ARHGAP20: variants seen among roughly 807,000 people sequenced by gnomAD.
ARHGAP20 encodes the protein rho GTPase-activating protein 20.
Under a neutral mutation model 73.7 loss-of-function variants are expected in ARHGAP20, and 34 were observed. The observed-to-expected ratio is 0.46, with a 90% CI of 0.35 to 0.61. The LOEUF (loss-of-function observed/expected upper bound fraction) is 0.61, where lower values mean the gene tolerates loss of function less well. Ranked by LOEUF, ARHGAP20 falls within the 20% of genes least tolerant of loss-of-function variation. The probability of loss-of-function intolerance (pLI) is 0.00; values close to 1 mark genes in which losing one functional copy is unlikely to be tolerated. For synonymous variants in ARHGAP20, 523 were observed against 518.2 expected (o/e 1.01, Z -0.13); for missense variants, 1,314 against 1,420.9 (o/e 0.92, Z 1.21).
At chr11:110,696,314 G>C (rs2135129646) in intron 1 of ARHGAP20, among the ~76,000 whole-genome samples, 1 of 151,694 alleles carries the variant, frequency 6.6e-6, no homozygotes, top group African/African-American at 2.4e-5. Context: ...GAATTGTATG[G>C]TATGCAAATT....
intron 2 of ARHGAP20, among the ~76,000 whole-genome samples, chr11:110,671,497 C>T (rs1311464745): frequency 1.3e-5 from 2 of 152,012 alleles, no homozygotes; most frequent in African/African-American, 4.8e-5. Context: ...AGTTTTAGTA[C>T]ACTGAGGCAA....
At chr11:110,591,251 T>C (rs765213009) in intron 10 of ARHGAP20, among the ~76,000 whole-genome samples, 1 of 152,228 alleles carries the variant, frequency 6.6e-6, no homozygotes, top group Non-Finnish European at 1.5e-5. Context: ...AACCTAGTTA[T>C]GCCACTTGGT....
chr11:110,648,560 C>G (rs1352586617), intron 2 of ARHGAP20, among the ~76,000 whole-genome samples: 2 of 150,582 alleles, frequency 1.3e-5, no homozygotes, highest in African/African-American at 4.9e-5. Flanking sequence ...TCTTGGCCCA[C>G]TGCAACCTCC....
At chr11:110,633,375 C>T (rs2167090) in intron 2 of ARHGAP20, among the ~76,000 whole-genome samples, 1,832 of 152,202 alleles carry the variant, frequency 0.012, 34 homozygotes, top group Non-Finnish European at 0.013. Context: ...TTCTGTTGCA[C>T]GGATTTATTG....
Position 110,689,384 on chromosome 11 carries a change from C to T in ARHGAP20, c.188+1163G>A, listed in dbSNP as rs1232795115. Among the ~76,000 whole-genome samples the T allele has an allele frequency of 5.9e-5, 9 of 152,068 alleles. No individual in the cohort carries two copies. The East Asian group carries it at 1.7e-3, about 29-fold the overall frequency. ...AAGGATTCACAACTTAAAGAAAAAT[C>T]ATTGTAACATTCCTTTGAACATAAA... On this transcript the variant is annotated intron_variant, in intron 2 of 14. Coordinates refer to ENST00000683387, the MANE Select transcript of ARHGAP20 (RefSeq NM_001384657.1).
chr11:110,579,492 C>A lies in ARHGAP20; in HGVS notation c.3454G>T (p.Gly1152Cys). Residue 1152 changes from glycine to cysteine, a missense_variant, in exon 15 of 15, where the codon GGT becomes TGT. By Grantham distance (159) the Gly-to-Cys change is radical. This residue lies in a region of ARHGAP20 where 641 missense variants were observed against 636.9 expected (regional missense o/e 1.01). Transcript: ENST00000683387. ...GAGGCTCTTTCCCAAGGCAGAGAAC[C>A]AGAAGAGCTCTGACTACCAGGCTCT... ...EIEPGSQSSS[G>C]SLPWERASAS... 4 of 1,614,156 alleles carry A rather than the reference C, an allele frequency of 2.5e-6. No homozygotes were observed. The highest frequency in any genetic ancestry group is 3.4e-6 in the Non-Finnish European group (4 of 1,180,028).
intron 1 of ARHGAP20, among the ~76,000 whole-genome samples, chr11:110,703,482 G>T (rs1950496527): frequency 6.6e-6 from 1 of 150,576 alleles, no homozygotes; most frequent in Admixed American, 6.6e-5. Flanking sequence ...CATATATATG[G>T]ATTCATTCAT....
chr11:110,682,733 T>G (rs977682984), intron 2 of ARHGAP20, among the ~76,000 whole-genome samples: 1 of 152,172 alleles, frequency 6.6e-6, no homozygotes, highest in Non-Finnish European at 1.5e-5. Context: ...CATTATATAA[T>G]GGAAGGGAAG....
chr11:110,583,494 G>C, intron 13 of ARHGAP20, 54 bp downstream of exon 13: 1 of 1,413,270 alleles, frequency 7.1e-7, no homozygotes, highest in African/African-American at 1.4e-5. Flanking sequence ...CCAAATTTCA[G>C]TTTCAAAACG....
chr11:110,619,707 C>CAGTGATAGAGTATATGT lies in ARHGAP20; in HGVS notation c.504-4130_504-4114dup, dbSNP rs1165529909. ...AGTATATGTAGTGATAGAGTATATA[C>CAGTGATAGAGTATATGT]AGTGATAGAGTATATGTAGTGATAG... On this transcript the variant is annotated intron_variant, in intron 4 of 14. Transcript: ENST00000683387. Among the ~76,000 whole-genome samples the CAGTGATAGAGTATATGT allele has an allele frequency of 7.7e-4, 83 of 108,396 alleles. No homozygotes were observed. In the East Asian group the frequency reaches 0.012, roughly 15 times the overall value. 71.1% of individuals were successfully genotyped at this position (108,396 alleles called of 152,430 possible). A position where few individuals can be genotyped will look rare whatever the true frequency, so the allele number is the denominator to read the frequency against.
intron 1 of ARHGAP20, chr11:110,711,624 C>G: frequency 6.7e-7 from 1 of 1,486,414 alleles, no homozygotes; most frequent in Non-Finnish European, 8.9e-7. Flanking sequence ...GGTGAGGGGG[C>G]CGAGCCCACC....
chr11:110,579,992 C>T lies in ARHGAP20; in HGVS notation c.2954G>A (p.Arg985Gln), dbSNP rs1384580730. The T allele has an allele frequency of 1.1e-5, 17 of 1,614,000 alleles. No individual in the cohort carries two copies. Among genetic ancestry groups the T allele is most frequent in the African/African-American group, 2.7e-5 (2 of 74,906 alleles). The change falls in exon 15 of 15, where the codon CGG becomes CAG. Residue 985 changes from arginine (R) to glutamine (Q), a missense_variant. By Grantham distance (43) the Arg-to-Gln change is conservative (BLOSUM62 1). Around this residue, in one of 3 missense-constraint regions of ARHGAP20, gnomAD observed 641 missense variants for 636.9 expected, o/e 1.01. Coordinates refer to ENST00000683387, the MANE Select transcript of ARHGAP20 (RefSeq NM_001384657.1). ...IDCTFQAQRK[R>Q]EDLSPDFSNA... ...GCTAAAGTCAGGAGAAAGGTCTTCCCGTTTTCTCTGAGCCTGAAAAGTGCA... is the reference window on the plus strand; with the variant it reads ...GCTAAAGTCAGGAGAAAGGTCTTCCTGTTTTCTCTGAGCCTGAAAAGTGCA...
chr11:110,648,174 T>TATATATATA (rs1949243666), intron 2 of ARHGAP20, among the ~76,000 whole-genome samples: 1 of 53,772 alleles, frequency 1.9e-5, no homozygotes, highest in Non-Finnish European at 4.3e-5. Flanking sequence ...TATATGTAAA[T>TATATATATA]ATATATATAT....
chr11:110,685,416 T>C (rs1298641631), intron 2 of ARHGAP20, among the ~76,000 whole-genome samples: 1 of 152,040 alleles, frequency 6.6e-6, no homozygotes, highest in East Asian at 1.9e-4. Context: ...CTTCTCAGCA[T>C]GAAAGATGTC....
chr11:110,700,854 C>G (rs1950434826), intron 1 of ARHGAP20, among the ~76,000 whole-genome samples: 1 of 150,656 alleles, frequency 6.6e-6, no homozygotes, highest in African/African-American at 2.4e-5. Flanking sequence ...GTTTTTTGTT[C>G]TTGCAACAGT....
intron 1 of ARHGAP20, chr11:110,711,612 C>G (rs1950658561): frequency 2.0e-6 from 3 of 1,486,670 alleles, no homozygotes; most frequent in African/African-American, 2.9e-5. Context: ...CCTCGGCGGG[C>G]AGGTGAGGGG....
intron 2 of ARHGAP20, among the ~76,000 whole-genome samples, chr11:110,678,578 A>G (rs1262043522): frequency 6.6e-6 from 1 of 152,238 alleles, no homozygotes; most frequent in Non-Finnish European, 1.5e-5. Flanking sequence ...CATAACTTGA[A>G]GATTACTCTA....
At chr11:110,713,108 A>G (rs1950707329), upstream of ARHGAP20, 1 of 152,288 alleles carries the variant, frequency 6.6e-6, no homozygotes, top group African/African-American at 2.4e-5. Flanking sequence ...AGACGGGGGC[A>G]TTCCAAACGT....
chr11:110,712,529 C>G, upstream of ARHGAP20: 1 of 153,122 alleles, frequency 6.5e-6, no homozygotes, highest in East Asian at 1.9e-4. Context: ...GCCCCCGCAG[C>G]CCTCCTCAGC....
Sources: allele counts gnomAD v4.1 joint callset (sites outside exome capture counted in the v4.1 genomes callset), GRCh38; gene constraint gnomAD v4.1.1; regional missense constraint gnomAD v4.1.1; transcripts MANE v1.5; gene names NCBI Gene and HGNC (gene_info 2026-07-23, HGNC 2026-07-21).